The following IL27RA variants were observed in gnomAD, a reference collection of about 807,000 sequenced individuals.
IL27RA encodes interleukin 27 receptor subunit alpha.
A neutral mutation model predicts 80.8 loss-of-function variants in IL27RA; 61 were observed. The observed-to-expected ratio is 0.76, with a 90% CI of 0.61 to 0.93. The LOEUF (loss-of-function observed/expected upper bound fraction) is 0.93. Among genes scored for constraint, IL27RA ranks in the 40% least tolerant of loss-of-function variants. The pLI is 0.00. For synonymous variants in IL27RA, 316 were observed against 332.5 expected (o/e 0.95, Z 0.54); for missense variants, 735 against 808.1 (o/e 0.91, Z 1.10).
chr19:14,040,732 G>A (rs1319794042), intron 4 of IL27RA, among the ~76,000 whole-genome samples: 5 of 151,588 alleles, frequency 3.3e-5, no homozygotes, highest in Non-Finnish European at 7.4e-5. Flanking sequence ...TAAGGCAGGA[G>A]AGAATCACTT....
At chr19:14,039,964 A>G in intron 4 of IL27RA, 54 bp downstream of exon 4, 1 of 1,562,538 alleles carries the variant, frequency 6.4e-7, no homozygotes, top group Non-Finnish European at 8.8e-7. Flanking sequence ...GACTGAGGCA[A>G]CATCTCCTAA....
At chr19:14,047,744 C>T (rs1296510618) in intron 8 of IL27RA, among the ~76,000 whole-genome samples, 1 of 150,614 alleles carries the variant, frequency 6.6e-6, no homozygotes, top group Non-Finnish European at 1.5e-5. Context: ...AGCTCCACCT[C>T]CTGGGTTCAC....
intron 2 of IL27RA, among the ~76,000 whole-genome samples, chr19:14,032,720 C>T (rs1021228567): frequency 1.4e-5 from 2 of 146,000 alleles, no homozygotes; most frequent in Non-Finnish European, 3.0e-5. Context: ...ACAGGAGAAT[C>T]GCTTGAACCC....
intron 2 of IL27RA, among the ~76,000 whole-genome samples, chr19:14,035,425 C>T (rs950866126): frequency 1.3e-5 from 2 of 150,334 alleles, no homozygotes; most frequent in African/African-American, 2.4e-5. Flanking sequence ...GATGGAGTTT[C>T]GCTCTTGTTG....
In IL27RA at chr19:14,036,057, G is replaced by A. The variant is rs574657905; in HGVS notation, c.219-3451G>A. Among the ~76,000 whole-genome samples, 1,194 of 147,722 alleles carry A rather than the reference G, an allele frequency of 8.1e-3. 7 individuals carry two copies. The highest frequency in any genetic ancestry group is 0.017 in the South Asian group (80 of 4,624). On this transcript the variant is annotated intron_variant, in intron 2 of 13. Coordinates refer to ENST00000263379, the MANE Select transcript of IL27RA (RefSeq NM_004843.4). ...GGGGTTGGAGACCAGCCTGGGCAAC[G>A]TAGTGAGACCCGTCTCTATTAAAAA...
intron 3 of IL27RA, 35 bp downstream of exon 3, chr19:14,039,700 G>A: frequency 6.2e-7 from 1 of 1,610,714 alleles, no homozygotes; most frequent in Middle Eastern, 1.7e-4. Flanking sequence ...TCTATGCGGG[G>A]TGGGTGCTCT....
At chr19:14,041,298 A>T (rs1260519649) in intron 4 of IL27RA, among the ~76,000 whole-genome samples, 2 of 151,850 alleles carry the variant, frequency 1.3e-5, no homozygotes, top group African/African-American at 4.8e-5. Flanking sequence ...CTCAGGTTCA[A>T]GTGATTCCCC....
At chr19:14,032,799 C>CTG (rs1411137505) in intron 2 of IL27RA, among the ~76,000 whole-genome samples, 2 of 105,806 alleles carry the variant, frequency 1.9e-5, no homozygotes, top group Non-Finnish European at 3.5e-5. Context: ...GAGGGAGACT[C>CTG]TGTCTCAAAA....
chr19:14,040,787 G>A (rs1975978032), intron 4 of IL27RA, among the ~76,000 whole-genome samples: 1 of 150,872 alleles, frequency 6.6e-6, no homozygotes. Flanking sequence ...TCGTGCCACT[G>A]CACTCCACAC....
chr19:14,042,329 G>A, intron 4 of IL27RA, 124 bp from the exon 5 acceptor site: 3 of 1,002,770 alleles, frequency 3.0e-6, no homozygotes, highest in African/African-American at 1.6e-5. Flanking sequence ...TCACACCACT[G>A]CACTCTAGCC....
At chr19:14,050,014 C>A (rs186270836) in intron 10 of IL27RA, among the ~76,000 whole-genome samples, 96 of 151,660 alleles carry the variant, frequency 6.3e-4, no homozygotes, top group Middle Eastern at 3.4e-3. Flanking sequence ...CATGGTGAAA[C>A]CTCATCTCTA....
Position 14,039,528 on chromosome 19 carries a change from C to T in IL27RA, c.239C>T (p.Thr80Ile), listed in dbSNP as rs1975955991. The T allele has an allele frequency of 5.6e-6, 9 of 1,613,750 alleles. No individual in the cohort carries two copies. The East Asian group carries it at 1.8e-4, about 32-fold the overall frequency. ...SQKYRSNKTQ[T>I]VAVAAGRSWV... ...CACAGCCGTTCCAACAAAACCCAGA[C>T]TGTGGCAGTGGCAGCCGGACGGAGC... Residue 80 changes from threonine to isoleucine, a missense_variant, in exon 3 of 14, where the codon ACT becomes ATT. Coordinates refer to ENST00000263379, the MANE Select transcript of IL27RA (RefSeq NM_004843.4).
Position 14,042,546 on chromosome 19 carries a change from A to T in IL27RA, c.628A>T (p.Met210Leu). 6.2e-7 allele frequency: 1 copy of T among 1,614,138 alleles called. No homozygotes were observed. The highest frequency in any genetic ancestry group is 8.5e-7 in the Non-Finnish European group (1 of 1,180,030). The change falls in exon 5 of 14, where the codon ATG becomes TTG. Residue 210 changes from methionine (M) to leucine (L), a missense_variant. Met to Leu is a conservative substitution (Grantham distance 15, BLOSUM62 2). Coordinates refer to ENST00000263379, the MANE Select transcript of IL27RA (RefSeq NM_004843.4). ...TGYKVYGRCR[M>L]EKEEDLWGEW... ...CTACAAAGTGTATGGCCGCTGCCGGATGGAGAAAGAAGAGGATTTGTGGGG... is the reference window on the plus strand; with the variant it reads ...CTACAAAGTGTATGGCCGCTGCCGGTTGGAGAAAGAAGAGGATTTGTGGGG...
intron 6 of IL27RA, among the ~76,000 whole-genome samples, chr19:14,045,780 T>A (rs995064916): frequency 6.6e-6 from 1 of 151,736 alleles, no homozygotes; most frequent in African/African-American, 2.4e-5. Flanking sequence ...ATCCTAGCAC[T>A]TTGGGAGGCT....
rs1288900798 is a variant in IL27RA, at chr19:14,052,194, C to T, written c.1815C>T (p.Ala605=). Residue 605 remains alanine, a synonymous_variant, in exon 14 of 14, where the codon GCC becomes GCT. Transcript: ENST00000263379. ...TGGAGTCCTCCCAGCCCGCCCAGGC[C>T]ACCGCCCCGCTTGACTCTGGGTATG... is the stretch of plus-strand genomic sequence containing the variant. ...PVMESSQPAQ[A]TAPLDSGYEK... 1 of 1,609,564 alleles carries T rather than the reference C, an allele frequency of 6.2e-7. No individual in the cohort carries two copies. The highest frequency in any genetic ancestry group is 1.7e-5 in the Admixed American group (1 of 59,366).
Position 14,032,422 on chromosome 19 carries a change from C to T in IL27RA, c.137C>T (p.Pro46Leu), listed in dbSNP as rs1171014246. ...CCACTGCAGTGCTACGGAGTTGGAC[C>T]CTTGGGCGACTTGAACTGCTCGTGG... Reference protein sequence around the residue: ...AGPLQCYGVGPLGDLNCSWEP... With the variant: ...AGPLQCYGVGLLGDLNCSWEP... Residue 46 changes from proline to leucine, a missense_variant, in exon 2 of 14, where the codon CCC becomes CTC. Transcript: ENST00000263379. 1 of 1,613,814 alleles carries T rather than the reference C, an allele frequency of 6.2e-7. No homozygotes were observed. The highest frequency in any genetic ancestry group is 8.5e-7 in the Non-Finnish European group (1 of 1,179,926).
At chr19:14,048,427 C>T (rs1976103192) in intron 8 of IL27RA, among the ~76,000 whole-genome samples, 1 of 152,072 alleles carries the variant, frequency 6.6e-6, no homozygotes, top group Non-Finnish European at 1.5e-5. Flanking sequence ...TTGGGGAAGG[C>T]TATGTGGATG....
intron 6 of IL27RA, among the ~76,000 whole-genome samples, chr19:14,045,600 C>CAA (rs143735821): frequency 5.5e-5 from 6 of 109,450 alleles, no homozygotes; most frequent in Non-Finnish European, 1.0e-4. Flanking sequence ...GACTCTGTCT[C>CAA]AAAAAAAAAA....
rs1392973134 is a variant in IL27RA, at chr19:14,032,414, A to C, written c.129A>C (p.Gly43=). 40 of 1,613,624 alleles carry C rather than the reference A, an allele frequency of 2.5e-5. No individual in the cohort carries two copies. Among genetic ancestry groups the C allele is most frequent in the Non-Finnish European group, 3.4e-5 (40 of 1,179,912 alleles). The change falls in exon 2 of 14, where the codon GGA becomes GGC. Residue 43 remains glycine, a synonymous_variant. Coordinates refer to ENST00000263379, the MANE Select transcript of IL27RA (RefSeq NM_004843.4). ...QGSAGPLQCY[G]VGPLGDLNCS... ...GCGCCGGGCCACTGCAGTGCTACGG[A>C]GTTGGACCCTTGGGCGACTTGAACT...
Sources: gnomAD v4.1 joint callset for allele counts (sites outside exome capture counted in the v4.1 genomes callset) on GRCh38, gnomAD v4.1.1 for gene constraint, MANE v1.5 for transcripts, NCBI Gene and HGNC (gene_info 2026-07-23, HGNC 2026-07-21) for gene names.